The following ROR1 variants were observed in gnomAD, a reference collection of about 807,000 sequenced individuals.
The protein encoded by ROR1 is ROR family WNT receptor 1.
ROR1 carries 19 observed loss-of-function variants against 78.8 expected under a neutral mutation model. The observed-to-expected ratio is 0.24, with a 90% CI of 0.17 to 0.35. The LOEUF (loss-of-function observed/expected upper bound fraction) is 0.35, where lower values mean the gene tolerates loss of function less well. Among genes scored for constraint, ROR1 ranks in the 10% least tolerant of loss-of-function variants. The pLI is 1.00. For missense variants in ROR1, 917 were observed against 1,177.8 expected (o/e 0.78, Z 3.24); for synonymous variants, 386 against 433.6 (o/e 0.89, Z 1.36).
chr1:63,985,995 A>G lies in ROR1; in HGVS notation c.92-23310A>G, dbSNP rs149576254. Among the ~76,000 whole-genome samples the G allele has an allele frequency of 6.2e-3, 950 of 152,280 alleles. 8 individuals are homozygous for G. Among genetic ancestry groups the G allele is most frequent in the African/African-American group, 0.022 (918 of 41,556 alleles). On this transcript the variant is annotated intron_variant, in intron 1 of 8. Coordinates refer to ENST00000371079, the MANE Select transcript of ROR1 (RefSeq NM_005012.4). Reference sequence around the variant, plus strand: ...CAAGGCCTTCAGAAAGGTCTGTTCAATCATTTCTTGTTCACTGCCAGGCAC... The same window carrying G: ...CAAGGCCTTCAGAAAGGTCTGTTCAGTCATTTCTTGTTCACTGCCAGGCAC...
At chr1:63,957,231 A>G (rs1645990507) in intron 1 of ROR1, among the ~76,000 whole-genome samples, 1 of 152,166 alleles carries the variant, frequency 6.6e-6, no homozygotes, top group Non-Finnish European at 1.5e-5. Flanking sequence ...TGCAGCCTGA[A>G]TGTGCTCAAC....
chr1:63,983,581 C>T (rs995821745), intron 1 of ROR1, among the ~76,000 whole-genome samples: 2 of 152,162 alleles, frequency 1.3e-5, no homozygotes, highest in African/African-American at 2.4e-5. Flanking sequence ...TAGAAACATT[C>T]GGTAAGGCAG....
At chr1:63,789,151 G>A (rs146658618) in intron 1 of ROR1, 18 of 593,680 alleles carry the variant, frequency 3.0e-5, no homozygotes, top group Admixed American at 1.9e-4. Context: ...ATTGGCTTGC[G>A]GATCATCAGC....
Position 64,049,766 on chromosome 1 carries a change from A to G in ROR1, c.239A>G (p.Lys80Arg), listed in dbSNP as rs1318530928. ...GGCCAGACAGCAGAACTGCACTGCA[A>G]AGTCTCTGGGAATCCACCTCCCACC... ...SLGQTAELHC[K>R]VSGNPPPTIR... is the part of the protein sequence containing the mutation. The change falls in exon 3 of 9, where the codon AAA becomes AGA. Residue 80 changes from lysine to arginine, a missense_variant. By Grantham distance (26) the Lys-to-Arg change is conservative. Around this residue, in one of 3 missense-constraint regions of ROR1, gnomAD observed 19 missense variants for 50.9 expected, o/e 0.37. Coordinates refer to ENST00000371079, the MANE Select transcript of ROR1 (RefSeq NM_005012.4). 6.2e-7 allele frequency: 1 copy of G among 1,614,028 alleles called. No homozygotes were observed. The highest frequency in any genetic ancestry group is 2.2e-5 in the East Asian group (1 of 44,896).
At chr1:64,111,387 C>T (rs1648089543) in intron 4 of ROR1, 2 of 152,148 alleles carry the variant, frequency 1.3e-5, no homozygotes, top group African/African-American at 4.8e-5. Context: ...TGGGTTTACA[C>T]AAGGAAAATT....
At chr1:63,913,013 T>TC (rs1245645662) in intron 1 of ROR1, among the ~76,000 whole-genome samples, 6 of 151,716 alleles carry the variant, frequency 4.0e-5, no homozygotes, top group African/African-American at 1.5e-4. Context: ...ATTTTTATTT[T>TC]CCCCCTCTCT....
intron 4 of ROR1, among the ~76,000 whole-genome samples, chr1:64,119,801 G>T (rs936450120): frequency 3.3e-5 from 5 of 152,144 alleles, no homozygotes; most frequent in Admixed American, 2.0e-4. Context: ...TGAAGAAATG[G>T]ATGCTTAAAT....
intron 2 of ROR1, among the ~76,000 whole-genome samples, chr1:64,017,837 C>T (rs1008909427): frequency 2.6e-5 from 4 of 152,156 alleles, no homozygotes; most frequent in Admixed American, 1.3e-4. Context: ...CTGTTTTTAC[C>T]ATTTAGAATG....
chr1:64,170,364 G>A (rs749423139), intron 8 of ROR1, among the ~76,000 whole-genome samples: 4 of 152,206 alleles, frequency 2.6e-5, no homozygotes, highest in Non-Finnish European at 4.4e-5. Flanking sequence ...AACCTCTGAA[G>A]CCACAGCACG....
chr1:63,982,337 G>T (rs1456843929), intron 1 of ROR1, among the ~76,000 whole-genome samples: 1 of 152,214 alleles, frequency 6.6e-6, no homozygotes, highest in Non-Finnish European at 1.5e-5. Flanking sequence ...GATCAAATAA[G>T]ACAGTAATTG....
intron 1 of ROR1, among the ~76,000 whole-genome samples, chr1:63,862,115 A>G (rs1023372906): frequency 1.3e-5 from 2 of 152,142 alleles, no homozygotes; most frequent in Admixed American, 6.5e-5. Flanking sequence ...TTTCCTGGCC[A>G]GGTGCAGTGG....
chr1:64,075,301 T>A (rs888130853), intron 4 of ROR1, among the ~76,000 whole-genome samples: 1 of 152,170 alleles, frequency 6.6e-6, no homozygotes, highest in African/African-American at 2.4e-5. Flanking sequence ...AACAGAACCA[T>A]GTTTTTCTAA....
intron 4 of ROR1, among the ~76,000 whole-genome samples, chr1:64,104,615 C>T (rs996432487): frequency 6.6e-6 from 1 of 152,046 alleles, no homozygotes; most frequent in Non-Finnish European, 1.5e-5. Flanking sequence ...CTCCCCTCAC[C>T]CCCACCCTTC....
At chr1:63,843,701 A>G in intron 1 of ROR1, 1 of 511,410 alleles carries the variant, frequency 2.0e-6, no homozygotes, top group Non-Finnish European at 3.8e-6. Context: ...CCAGAAGTGA[A>G]AAGGAGAGGG....
At chr1:64,044,760 C>T (rs992119251) in intron 2 of ROR1, among the ~76,000 whole-genome samples, 8 of 152,034 alleles carry the variant, frequency 5.3e-5, no homozygotes, top group Non-Finnish European at 1.0e-4. Context: ...ATGAACCTGC[C>T]GCTTGAAGGA....
At chr1:63,980,095 G>A (rs1019397071) in intron 1 of ROR1, among the ~76,000 whole-genome samples, 3 of 151,850 alleles carry the variant, frequency 2.0e-5, no homozygotes, top group East Asian at 1.9e-4. Flanking sequence ...AGTCAACTCC[G>A]TGCACTAAGG....
intron 4 of ROR1, among the ~76,000 whole-genome samples, chr1:64,108,060 TTGTGTGTG>T (rs3084945): frequency 0.51 from 74,045 of 146,282 alleles, 18,809 homozygotes; most frequent in Middle Eastern, 0.6. Context: ...TGTTTTCTTG[TTGTGTGTG>T]TGTGTGTGTG....
At chr1:63,962,567 C>T (rs943227901) in intron 1 of ROR1, among the ~76,000 whole-genome samples, 4 of 152,178 alleles carry the variant, frequency 2.6e-5, no homozygotes, top group African/African-American at 4.8e-5. Flanking sequence ...AGAAAAGCCT[C>T]CCTGGAGTTG....
chr1:63,797,017 A>G (rs1292619074), intron 1 of ROR1, among the ~76,000 whole-genome samples: 2 of 152,156 alleles, frequency 1.3e-5, no homozygotes, highest in African/African-American at 4.8e-5. Context: ...TATTTTTTCT[A>G]ATTAATTGAT....
Sources: gnomAD v4.1 joint callset for allele counts (sites outside exome capture counted in the v4.1 genomes callset) on GRCh38, gnomAD v4.1.1 for gene constraint, gnomAD v4.1.1 regional missense constraint, MANE v1.5 for transcripts, NCBI Gene and HGNC (gene_info 2026-07-23, HGNC 2026-07-21) for gene names.